NPNT: variants seen among roughly 807,000 people sequenced by gnomAD.
NPNT encodes the protein preosteoblast EGF-like repeat protein with MAM domain.
In NPNT, 45 loss-of-function variants were observed where a neutral mutation model predicts 68.6. The observed-to-expected ratio is 0.66, with a 90% confidence interval of 0.52 to 0.84. NPNT has a LOEUF of 0.84. NPNT is among the 40% of genes least tolerant of loss of function. NPNT has a pLI of 0.00. For missense variants in NPNT, 672 were observed against 714.8 expected, an observed-to-expected ratio of 0.94 and a Z score of 0.68; for synonymous variants, 233 against 253.3, an observed-to-expected ratio of 0.92 and a Z score of 0.76.
intron 2 of NPNT, among the ~76,000 whole-genome samples, chr4:105,917,439 C>T (rs1727908078): frequency 6.6e-6 from 1 of 152,178 alleles, no homozygotes; most frequent in Non-Finnish European, 1.5e-5. Flanking sequence ...ACCTTGTACA[C>T]CTGTCATGTC....
intron 2 of NPNT, among the ~76,000 whole-genome samples, chr4:105,924,927 AT>A (rs1436538753): frequency 3.3e-5 from 5 of 151,972 alleles, no homozygotes; most frequent in Non-Finnish European, 7.4e-5. Context: ...AGATGTTTAC[AT>A]TTTTTTCAAT....
rs35613262 is a variant in NPNT, at chr4:105,967,259, G to A, written c.1417G>A (p.Gly473Ser). 4.5e-3 allele frequency: 7,336 copies of A among 1,613,974 alleles called. 317 individuals are homozygous for A. The African/African-American group carries it at 0.088, about 19-fold the overall frequency. Reference sequence around the variant, plus strand: ...AGCTGCACGCTTGGTGCTACCTCTCGGCCGCCTCATGCATTCAGGGGACCT... The same window carrying A: ...AGCTGCACGCTTGGTGCTACCTCTCAGCCGCCTCATGCATTCAGGGGACCT... ...GKAARLVLPL[G>S]RLMHSGDLCL... The change falls in exon 11 of 12, where the codon GGC becomes AGC. Residue 473 changes from glycine (G) to serine (S), a missense_variant. Transcript: ENST00000379987.
chr4:105,928,538 A>G (rs1404803682), intron 3 of NPNT, among the ~76,000 whole-genome samples: 2 of 151,082 alleles, frequency 1.3e-5, no homozygotes, highest in Non-Finnish European at 2.9e-5. Flanking sequence ...ACTTGAACCC[A>G]GGAGGCGGAT....
intron 2 of NPNT, among the ~76,000 whole-genome samples, chr4:105,914,504 A>C (rs1263155517): frequency 2.8e-5 from 4 of 142,624 alleles, no homozygotes; most frequent in Non-Finnish European, 3.0e-5. Context: ...ATGGAGAGAG[A>C]GAGCCAGCTA....
intron 3 of NPNT, among the ~76,000 whole-genome samples, chr4:105,933,667 A>T (rs1192908408): frequency 6.6e-6 from 1 of 152,226 alleles, no homozygotes; most frequent in African/African-American, 2.4e-5. Context: ...TTTTTAAAAA[A>T]TCCAGTAAGT....
chr4:105,938,775 G>GAA (rs1729701098), intron 5 of NPNT, among the ~76,000 whole-genome samples: 2 of 152,194 alleles, frequency 1.3e-5, no homozygotes, highest in South Asian at 4.1e-4. Context: ...GATTGTATGT[G>GAA]TTGTTCTTCA....
Position 105,970,128 on chromosome 4 carries a change from C to T in NPNT, c.*1138C>T, listed in dbSNP as rs1354695570. 2.2e-5 allele frequency: 9 copies of T among 411,014 alleles called. No homozygotes were observed. The highest frequency in any genetic ancestry group is 6.0e-5 in the African/African-American group (3 of 50,048). 25.5% of individuals were successfully genotyped at this position (411,014 alleles called of 1,614,324 possible). A position where few individuals can be genotyped will look rare whatever the true frequency, so the allele number is the denominator to read the frequency against. ...GTTGTAGTTCATAACTTATGTTGCTCATGTTGTGCTGTGTCAGGATGGGAT... is the reference window on the plus strand; with the variant it reads ...GTTGTAGTTCATAACTTATGTTGCTTATGTTGTGCTGTGTCAGGATGGGAT... On this transcript the variant is annotated 3_prime_UTR_variant, in exon 12 of 12. Transcript: ENST00000379987.
Position 105,925,384 on chromosome 4 carries a change from T to C in NPNT, c.173-1952T>C, listed in dbSNP as rs78744078. ...GTGGTGGTACAGGGTCCAGTTGGGA[T>C]GACAAACAGGCAAGGAAGGCCTGGA... On this transcript the variant is annotated intron_variant, in intron 2 of 11. Coordinates refer to ENST00000379987, the MANE Select transcript of NPNT (RefSeq NM_001033047.3). Among the ~76,000 whole-genome samples, 486 of 151,716 alleles carry C rather than the reference T, an allele frequency of 3.2e-3. 1 individual carries two copies. The highest frequency in any genetic ancestry group is 5.9e-3 in the Admixed American group (90 of 15,234).
chr4:105,908,807 C>T (rs748615234), intron 2 of NPNT, among the ~76,000 whole-genome samples: 2 of 152,134 alleles, frequency 1.3e-5, no homozygotes, highest in Non-Finnish European at 2.9e-5. Flanking sequence ...TCGTGATCTG[C>T]CCGCCTCAGC....
At chr4:105,900,834 G>GTTTTTT (rs765343668) in intron 2 of NPNT, among the ~76,000 whole-genome samples, 1 of 96,604 alleles carries the variant, frequency 1.0e-5, no homozygotes, top group African/African-American at 4.5e-5. Context: ...ACCCTTGGTT[G>GTTTTTT]TTTTTTTTTT....
intron 1 of NPNT, 79 bp downstream of exon 1, chr4:105,895,802 G>A (rs1048082168): frequency 3.9e-6 from 5 of 1,281,840 alleles, no homozygotes; most frequent in Non-Finnish European, 5.5e-6. Context: ...TTTTCCCCGC[G>A]GGGTTTCGTG....
chr4:105,896,030 C>A, intron 1 of NPNT: 2 of 418,678 alleles, frequency 4.8e-6, no homozygotes, highest in Non-Finnish European at 8.6e-6. Flanking sequence ...GCTCTGAGGG[C>A]GCGGTTTAGC....
At chr4:105,931,925 G>T (rs796758213) in intron 3 of NPNT, among the ~76,000 whole-genome samples, 25 of 152,216 alleles carry the variant, frequency 1.6e-4, no homozygotes, top group African/African-American at 6.0e-4. Flanking sequence ...TAACATAATG[G>T]TGTTGAAACA....
At chr4:105,956,418 A>G (rs965978628) in intron 8 of NPNT, among the ~76,000 whole-genome samples, 2 of 152,030 alleles carry the variant, frequency 1.3e-5, no homozygotes, top group Non-Finnish European at 2.9e-5. Context: ...TCCCGGTGCC[A>G]GGAAACCTTT....
chr4:105,970,048 A>G lies in NPNT; in HGVS notation c.*1058A>G. 1 of 198,896 alleles carries G rather than the reference A, an allele frequency of 5.0e-6. No individual in the cohort carries two copies. Among genetic ancestry groups the G allele is most frequent in the Non-Finnish European group, 1.0e-5 (1 of 97,796 alleles). The allele number at this position is 198,896 out of a possible 1,614,324, so 12.3% of individuals were successfully genotyped here. ...CAGAGTGAGAGGAAGCATAGGGGGA[A>G]ACTCCATTGGAACAGATTTTCACAC... On this transcript the variant is annotated 3_prime_UTR_variant, in exon 12 of 12. Coordinates refer to ENST00000379987, the MANE Select transcript of NPNT (RefSeq NM_001033047.3).
chr4:105,946,703 G>A (rs566632441), intron 8 of NPNT, among the ~76,000 whole-genome samples: 16 of 152,088 alleles, frequency 1.1e-4, no homozygotes, highest in African/African-American at 1.4e-4. Flanking sequence ...GCAAAAAGGA[G>A]AACAAAGATC....
intron 2 of NPNT, among the ~76,000 whole-genome samples, chr4:105,920,413 A>AAAAC (rs1728173426): frequency 6.6e-6 from 1 of 151,454 alleles, no homozygotes; most frequent in African/African-American, 2.4e-5. Context: ...AAAAAAAAAA[A>AAAAC]AAAAAACTTC....
At chr4:105,915,610 G>A (rs1395318884) in intron 2 of NPNT, among the ~76,000 whole-genome samples, 1 of 152,136 alleles carries the variant, frequency 6.6e-6, no homozygotes, top group African/African-American at 2.4e-5. Context: ...TGTAATGCTG[G>A]TTGTGAAAGG....
chr4:105,932,365 G>A (rs952973929), intron 3 of NPNT, among the ~76,000 whole-genome samples: 6 of 152,052 alleles, frequency 3.9e-5, no homozygotes, highest in Admixed American at 2.6e-4. Context: ...ATTGTATGAC[G>A]ATGGATTGTT....
Sources: allele counts gnomAD v4.1 joint callset (sites outside exome capture counted in the v4.1 genomes callset), GRCh38; gene constraint gnomAD v4.1.1; transcripts MANE v1.5; gene names NCBI Gene and HGNC (gene_info 2026-07-23, HGNC 2026-07-21).